The following RHBDD1 variants were observed in gnomAD, a reference collection of about 807,000 sequenced individuals.
The protein encoded by RHBDD1 is rhomboid-related protein 4.
In RHBDD1, 38 loss-of-function variants were observed where a neutral mutation model predicts 36.3. The observed-to-expected ratio is 1.05, with a 90% CI of 0.81 to 1.37. The LOEUF (loss-of-function observed/expected upper bound fraction) is 1.37, where lower values mean the gene tolerates loss of function less well. Ranked by LOEUF, RHBDD1 falls within the 40% of genes most tolerant of loss-of-function variation. The probability of loss-of-function intolerance (pLI) is 0.00; values close to 1 mark genes in which losing one functional copy is unlikely to be tolerated. For synonymous variants in RHBDD1, 151 were observed against 136.5 expected (o/e 1.11, Z -0.74); for missense variants, 393 against 377.6 (o/e 1.04, Z -0.34).
At chr2:226,857,125 A>G (rs1022616936) in intron 3 of RHBDD1, among the ~76,000 whole-genome samples, 17 of 151,770 alleles carry the variant, frequency 1.1e-4, no homozygotes, top group African/African-American at 4.1e-4. Context: ...GTTTGGGTAC[A>G]CGTGTGCTTG....
At chr2:226,852,073 C>A (rs900024333) in intron 3 of RHBDD1, among the ~76,000 whole-genome samples, 3 of 152,176 alleles carry the variant, frequency 2.0e-5, no homozygotes, top group African/African-American at 7.2e-5. Flanking sequence ...AAATTGATCT[C>A]GCCTTTCTGT....
chr2:226,827,286 G>T, the RHBDD1 span, among the ~76,000 whole-genome samples: 1 of 152,174 alleles, frequency 6.6e-6, no homozygotes, highest in African/African-American at 2.4e-5. Context: ...TTAAAAGTAA[G>T]ATTTAATATT....
chr2:226,895,742 G>A, intron 5 of RHBDD1: 3 of 985,334 alleles, frequency 3.0e-6, no homozygotes, highest in Non-Finnish European at 2.4e-6. Flanking sequence ...TTCATCCAGA[G>A]CACTATTTAG....
In RHBDD1 at chr2:226,925,779, G is replaced by A. The variant is rs912439594; in HGVS notation, c.856+11428G>A. ...AAACATTCATTCAAAATAAAATTCT[G>A]TGGTCAAATAAGCTTGGGAAATATG... On this transcript the variant is annotated intron_variant, in intron 8 of 8. Transcript: ENST00000392062. 2.3e-4 allele frequency among the ~76,000 whole-genome samples: 35 copies of A among 152,280 alleles called. 1 individual carries two copies. Among genetic ancestry groups the A allele is most frequent in the Admixed American group, 2.2e-3 (34 of 15,296 alleles).
the RHBDD1 span, among the ~76,000 whole-genome samples, chr2:226,802,669 C>T: frequency 1.3e-5 from 2 of 152,170 alleles, no homozygotes; most frequent in African/African-American, 4.8e-5. Flanking sequence ...GAAGAACAAG[C>T]TATTACCAAA....
intron 5 of RHBDD1, among the ~76,000 whole-genome samples, chr2:226,896,845 C>T (rs1407789453): frequency 6.6e-6 from 1 of 152,088 alleles, no homozygotes; most frequent in African/African-American, 2.4e-5. Flanking sequence ...CACTATCACC[C>T]AGGCTGGAGT....
At chr2:226,840,649 A>G (rs1055359940) in intron 3 of RHBDD1, among the ~76,000 whole-genome samples, 2 of 152,188 alleles carry the variant, frequency 1.3e-5, no homozygotes, top group Admixed American at 1.3e-4. Flanking sequence ...TGGCCTCCAT[A>G]TTTGACCCCA....
chr2:226,879,856 T>G (rs1005236360), intron 5 of RHBDD1, among the ~76,000 whole-genome samples: 1 of 152,134 alleles, frequency 6.6e-6, no homozygotes, highest in African/African-American at 2.4e-5. Flanking sequence ...CAGAAGGAAT[T>G]TTGGTCTTCT....
intron 3 of RHBDD1, among the ~76,000 whole-genome samples, chr2:226,858,693 G>A (rs1453661818): frequency 1.3e-5 from 2 of 152,000 alleles, no homozygotes; most frequent in African/African-American, 2.4e-5. Flanking sequence ...AGACACATTG[G>A]TTTCCCAAGT....
At chr2:226,964,749 C>T (rs1053832520) in intron 8 of RHBDD1, among the ~76,000 whole-genome samples, 1 of 152,180 alleles carries the variant, frequency 6.6e-6, no homozygotes, top group Non-Finnish European at 1.5e-5. Flanking sequence ...TTGATGGTAA[C>T]TCAAGATACA....
chr2:226,863,222 C>T (rs923275213), intron 3 of RHBDD1, among the ~76,000 whole-genome samples: 2 of 152,156 alleles, frequency 1.3e-5, no homozygotes, highest in Admixed American at 1.3e-4. Context: ...GCCTGTAATC[C>T]CAGCTACTCA....
chr2:226,878,576 C>G (rs1226781345), intron 5 of RHBDD1, among the ~76,000 whole-genome samples: 1 of 152,188 alleles, frequency 6.6e-6, no homozygotes, highest in Non-Finnish European at 1.5e-5. Context: ...TGTCACCAGG[C>G]TGTGAGGAAG....
chr2:226,864,528 T>C, intron 3 of RHBDD1, 76 bp from the exon 4 acceptor site: 1 of 602,654 alleles, frequency 1.7e-6, no homozygotes, highest in South Asian at 2.3e-5. Context: ...TCATGGGAGT[T>C]TGTCTTGAAG....
chr2:226,812,794 A>G, the RHBDD1 span, among the ~76,000 whole-genome samples: 1 of 152,234 alleles, frequency 6.6e-6, no homozygotes, highest in Non-Finnish European at 1.5e-5. Context: ...TGTTAAAGAC[A>G]TCCATGTATT....
intron 5 of RHBDD1, among the ~76,000 whole-genome samples, chr2:226,900,260 A>G (rs150128531): frequency 1.3e-5 from 2 of 152,346 alleles, no homozygotes; most frequent in African/African-American, 4.8e-5. Flanking sequence ...AATTACATCA[A>G]TACTTACCTT....
At chr2:226,916,267 G>A (rs1948904331) in intron 8 of RHBDD1, among the ~76,000 whole-genome samples, 1 of 152,204 alleles carries the variant, frequency 6.6e-6, no homozygotes, top group South Asian at 2.1e-4. Flanking sequence ...AGAGGGAGAG[G>A]TGGAGAATTG....
the RHBDD1 span, among the ~76,000 whole-genome samples, chr2:226,808,148 A>G: frequency 6.6e-6 from 1 of 152,212 alleles, no homozygotes; most frequent in Non-Finnish European, 1.5e-5. Context: ...ATTCGTAAAG[A>G]TGGTGAGAAG....
intron 5 of RHBDD1, among the ~76,000 whole-genome samples, chr2:226,883,828 A>G (rs576592410): frequency 3.3e-5 from 5 of 152,348 alleles, no homozygotes; most frequent in South Asian, 2.1e-4. Flanking sequence ...ATCTAATTCA[A>G]TTGAGGAGCT....
chr2:226,983,272 G>A (rs1165353942), intron 8 of RHBDD1, among the ~76,000 whole-genome samples: 1 of 152,044 alleles, frequency 6.6e-6, no homozygotes, highest in Non-Finnish European at 1.5e-5. Flanking sequence ...GCTCCCCGAC[G>A]TGGATTTGAG....
Sources: allele counts gnomAD v4.1 joint callset (sites outside exome capture counted in the v4.1 genomes callset), GRCh38; gene constraint gnomAD v4.1.1; transcripts MANE v1.5; gene names NCBI Gene and HGNC (gene_info 2026-07-23, HGNC 2026-07-21).